C1orf198: variants seen among roughly 807,000 people sequenced by gnomAD.
C1orf198 encodes uncharacterized protein C1orf198.
Under a neutral mutation model 31.4 loss-of-function variants are expected in C1orf198, and 17 were observed. The observed-to-expected ratio is 0.54, with a 90% CI of 0.37 to 0.81. C1orf198 has a LOEUF of 0.81. Ranked by LOEUF, C1orf198 falls within the 40% of genes least tolerant of loss-of-function variation. The pLI is 0.00. For synonymous variants in C1orf198, 175 were observed against 193.8 expected (o/e 0.90, Z 0.81); for missense variants, 401 against 450.3 (o/e 0.89, Z 0.99).
chr1:230,868,670 G>A (rs1170155987), upstream of C1orf198: 4 of 497,816 alleles, frequency 8.0e-6, no homozygotes, highest in African/African-American at 8.4e-5. Context: ...CAAGCCCCGG[G>A]ACCCCGGCCC....
chr1:230,845,811 C>T (rs1380211192), intron 2 of C1orf198, among the ~76,000 whole-genome samples: 1 of 152,196 alleles, frequency 6.6e-6, no homozygotes, highest in African/African-American at 2.4e-5. Context: ...CAACCCTTCC[C>T]TCCTCCCATA....
At chr1:230,867,922 G>C (rs893169530) in intron 1 of C1orf198, among the ~76,000 whole-genome samples, 2 of 152,114 alleles carry the variant, frequency 1.3e-5, no homozygotes, top group Non-Finnish European at 2.9e-5. Context: ...TCTGGAGTCC[G>C]TGCGAGCCGG....
intron 2 of C1orf198, among the ~76,000 whole-genome samples, chr1:230,849,441 G>A (rs1346797441): frequency 6.6e-6 from 1 of 152,204 alleles, no homozygotes; most frequent in African/African-American, 2.4e-5. Context: ...CCACAAGGAA[G>A]CCGTCCCTCC....
intron 1 of C1orf198, among the ~76,000 whole-genome samples, chr1:230,866,724 C>G (rs376650743): frequency 4.6e-5 from 7 of 152,296 alleles, no homozygotes; most frequent in East Asian, 3.9e-4. Flanking sequence ...GGAGTGCTGC[C>G]TGCTTTTTCA....
chr1:230,850,883 C>T (rs1669722823), intron 2 of C1orf198, among the ~76,000 whole-genome samples: 1 of 152,108 alleles, frequency 6.6e-6, no homozygotes, highest in South Asian at 2.1e-4. Flanking sequence ...GCCCTTCTGT[C>T]CCACCATGGG....
intron 3 of C1orf198, among the ~76,000 whole-genome samples, chr1:230,842,810 G>A (rs1458897044): frequency 6.6e-6 from 1 of 152,158 alleles, no homozygotes; most frequent in Non-Finnish European, 1.5e-5. Context: ...AGAGGAGGAT[G>A]GGTGAGGCTA....
intron 2 of C1orf198, among the ~76,000 whole-genome samples, chr1:230,846,405 G>A (rs1355875268): frequency 6.6e-6 from 1 of 152,224 alleles, no homozygotes; most frequent in Non-Finnish European, 1.5e-5. Context: ...AGTTTCTGCA[G>A]ACAGCAGCAC....
chr1:230,853,730 C>T (rs1669801623), intron 2 of C1orf198, among the ~76,000 whole-genome samples: 1 of 152,148 alleles, frequency 6.6e-6, no homozygotes, highest in African/African-American at 2.4e-5. Context: ...CTACACTTTA[C>T]TAAAAGGATG....
chr1:230,842,509 T>A (rs1471909348), intron 3 of C1orf198, among the ~76,000 whole-genome samples: 1 of 152,108 alleles, frequency 6.6e-6, no homozygotes, highest in Non-Finnish European at 1.5e-5. Context: ...TCAAACATCA[T>A]ATGTTCTCAC....
At chr1:230,839,994 G>A (rs1004312356) in intron 3 of C1orf198, 86 bp from the exon 4 acceptor site, 24 of 1,233,778 alleles carry the variant, frequency 1.9e-5, no homozygotes, top group African/African-American at 3.1e-5. Context: ...CATTTAAAAC[G>A]ACCCAGATAA....
rs149237009 is a variant in C1orf198, at chr1:230,856,106, C to T, written c.334-388G>A. The T allele has an allele frequency of 4.6e-4, 242 of 530,376 alleles. 2 individuals are homozygous for T. In the African/African-American group the frequency reaches 4.7e-3, roughly 10 times the overall value. 32.9% of individuals were successfully genotyped at this position (530,376 alleles called of 1,614,324 possible). On this transcript the variant is annotated intron_variant, in intron 1 of 3. Coordinates refer to ENST00000366663, the MANE Select transcript of C1orf198 (RefSeq NM_032800.3). Reference sequence around the variant, plus strand: ...GGGAAGATGACTCAGCCTTTTTGAGCCTCAGTTTTCTCATTTGTAAAAGCA... The same window carrying T: ...GGGAAGATGACTCAGCCTTTTTGAGTCTCAGTTTTCTCATTTGTAAAAGCA...
chr1:230,847,984 T>C (rs1669638940), intron 2 of C1orf198, among the ~76,000 whole-genome samples: 1 of 152,168 alleles, frequency 6.6e-6, no homozygotes, highest in African/African-American at 2.4e-5. Flanking sequence ...GAGCCAGGGA[T>C]GCTGGGGGGA....
intron 2 of C1orf198, among the ~76,000 whole-genome samples, chr1:230,846,446 C>T (rs1018905457): frequency 5.9e-5 from 9 of 152,250 alleles, no homozygotes; most frequent in Admixed American, 2.0e-4. Flanking sequence ...TGGGCAGGTG[C>T]ATATTTGTCA....
At position 230,843,947 on chromosome 1, in the gene C1orf198, C is replaced by G; in HGVS notation, c.385-51G>C. The G allele has an allele frequency of 6.7e-7, 1 of 1,486,520 alleles. No homozygotes were observed. The highest frequency in any genetic ancestry group is 8.9e-7 in the Non-Finnish European group (1 of 1,122,374). 92.1% of individuals were successfully genotyped at this position (1,486,520 alleles called of 1,614,324 possible). On this transcript the variant is annotated intron_variant, in intron 2 of 3. Coordinates refer to ENST00000366663, the MANE Select transcript of C1orf198 (RefSeq NM_032800.3). This position sits in a 1 kb window ranked among gnomAD's most constrained non-coding sequence, Gnocchi z 4.9. ...GAAAAAAGAAAGAGATCCTGAGAAT[C>G]GACCGTCACAAGTGTGCCAGCTCAC...
At chr1:230,845,608 G>A (rs534669998) in intron 2 of C1orf198, among the ~76,000 whole-genome samples, 5 of 151,820 alleles carry the variant, frequency 3.3e-5, no homozygotes, top group South Asian at 4.2e-4. Flanking sequence ...GCTTGAACCC[G>A]GGAAGTGGAG....
At chr1:230,865,402 T>C (rs562141547) in intron 1 of C1orf198, among the ~76,000 whole-genome samples, 2 of 152,332 alleles carry the variant, frequency 1.3e-5, no homozygotes, top group South Asian at 4.1e-4. Context: ...GATCATATGT[T>C]CACACGTGGG....
rs761620459 is a variant in C1orf198 at position 230,843,529 on chromosome 1, T to C, written c.752A>G (p.Glu251Gly). 13 of 1,612,216 alleles carry C rather than the reference T, an allele frequency of 8.1e-6. No homozygotes were observed. The African/African-American group carries it at 1.3e-4, about 17-fold the overall frequency. The change falls in exon 3 of 4, where the codon GAG becomes GGG. Residue 251 changes from glutamate to glycine, a missense_variant. By Grantham distance (98) the Glu-to-Gly change is moderately conservative. Coordinates refer to ENST00000366663, the MANE Select transcript of C1orf198 (RefSeq NM_032800.3). This position sits in a 1 kb window ranked among gnomAD's most constrained non-coding sequence, Gnocchi z 4.9. ...KVERPSTLRQ[E>G]QRPLPNVSTE... ...GCTCACGTTGGGAAGAGGACGCTGC[T>C]CCTGACGGAGGGTGCTGGGCCTTTC...
At position 230,838,621 on chromosome 1, in the gene C1orf198, A is replaced by G. The variant is rs1400515629; in HGVS notation, c.*1231T>C. The G allele has an allele frequency of 2.0e-5, 3 of 152,570 alleles. No individual in the cohort carries two copies. The highest frequency in any genetic ancestry group is 4.4e-5 in the Non-Finnish European group (3 of 68,050). The allele number at this position is 152,570 out of a possible 1,614,324, so 9.5% of individuals were successfully genotyped here. On this transcript the variant is annotated 3_prime_UTR_variant, in exon 4 of 4. Transcript: ENST00000366663. This position sits in a 1 kb window ranked among gnomAD's most constrained non-coding sequence, Gnocchi z 4.2. ...CAGGTGAGAACGCAGTGATGGCAAC[A>G]TGGAGATGGCGCCATACCGGGCTTG... is the stretch of plus-strand genomic sequence containing the variant.
intron 2 of C1orf198, among the ~76,000 whole-genome samples, chr1:230,853,385 T>G (rs1023470098): frequency 6.6e-6 from 1 of 151,982 alleles, no homozygotes; most frequent in Non-Finnish European, 1.5e-5. Flanking sequence ...CCAATGAAGA[T>G]CTTATAAGCC....
Sources: allele counts gnomAD v4.1 joint callset (sites outside exome capture counted in the v4.1 genomes callset), GRCh38; gene constraint gnomAD v4.1.1; non-coding constraint Gnocchi (gnomAD v3.1); transcripts MANE v1.5; gene names NCBI Gene and HGNC (gene_info 2026-07-23, HGNC 2026-07-21).